BPIFB3: variants seen among roughly 807,000 people sequenced by gnomAD.
BPIFB3 encodes BPI fold-containing family B member 3.
Under a neutral mutation model 53.1 loss-of-function variants are expected in BPIFB3, and 49 were observed. The ratio of observed to expected loss-of-function variants is 0.92; its 90% CI spans 0.73 to 1.17. BPIFB3 has a LOEUF of 1.17. Ranked by LOEUF, BPIFB3 falls within the 50% of genes most tolerant of loss-of-function variation. The probability of loss-of-function intolerance (pLI) is 0.00; values close to 1 mark genes in which losing one functional copy is unlikely to be tolerated. For synonymous variants in BPIFB3, 271 were observed against 269.6 expected (o/e 1.01, Z -0.05); for missense variants, 628 against 592.5 (o/e 1.06, Z -0.62).
In BPIFB3 at chr20:33,063,595, C is replaced by T. The variant is rs1216428230; in HGVS notation, c.592-20C>T. On this transcript the variant is annotated intron_variant, in intron 5 of 14. Coordinates refer to ENST00000375494, the Ensembl canonical transcript of BPIFB3. ...CAGTGAGCTCTTCTTTGCCCTGTAA[C>T]ATGTGTCTCCCTGACACAGCTGTGC... The T allele has an allele frequency of 1.2e-5, 20 of 1,613,244 alleles. No individual in the cohort carries two copies. Among genetic ancestry groups the T allele is most frequent in the Non-Finnish European group, 1.6e-5 (19 of 1,179,516 alleles).
chr20:33,066,756 C>G, intron 8 of BPIFB3, 68 bp from the exon 10 acceptor site: 1 of 1,497,828 alleles, frequency 6.7e-7, no homozygotes, highest in Non-Finnish European at 9.3e-7. Context: ...CGAAACTGCT[C>G]TGAGTGTGCT....
chr20:33,072,639 C>A, intron 13 of BPIFB3, 78 bp from the exon 15 acceptor site: 1 of 1,221,546 alleles, frequency 8.2e-7, no homozygotes, highest in Non-Finnish European at 1.2e-6. Flanking sequence ...GGAATAGGGT[C>A]AGCAGGGTCC....
intron 9 of BPIFB3, among the ~76,000 whole-genome samples, chr20:33,068,484 G>A (rs1273233075): frequency 6.6e-6 from 1 of 152,230 alleles, no homozygotes; most frequent in Non-Finnish European, 1.5e-5. Context: ...AGTCTGGAGG[G>A]AGAACGCAGG....
At chr20:33,060,161 C>A in intron 4 of BPIFB3, 130 bp downstream of exon 5, 3 of 1,286,436 alleles carry the variant, frequency 2.3e-6, no homozygotes, top group Non-Finnish European at 3.2e-6. Context: ...CTGCTTGTCC[C>A]GCCGGTTTCA....
intron 8 of BPIFB3, among the ~76,000 whole-genome samples, chr20:33,066,495 T>C (rs1465828519): frequency 2.0e-5 from 3 of 152,346 alleles, no homozygotes; most frequent in East Asian, 3.9e-4. Context: ...CAGGTTCAAA[T>C]CCTGGTGTCA....
At chr20:33,064,731 G>C in exon 8 of BPIFB3, 1 of 1,614,096 alleles carries the variant, frequency 6.2e-7, no homozygotes, top group Non-Finnish European at 8.5e-7. Context: ...CAGCCAAGGT[G>C]CCCCCCAAGA....
At chr20:33,071,989 G>A in intron 12 of BPIFB3, 115 bp from the exon 14 acceptor site, 1 of 1,047,816 alleles carries the variant, frequency 9.5e-7, no homozygotes, top group African/African-American at 1.6e-5. Context: ...CCTCAGGCTT[G>A]GGGGAGGCTG....
chr20:33,067,999 T>C (rs922174911), intron 9 of BPIFB3, among the ~76,000 whole-genome samples: 1 of 152,220 alleles, frequency 6.6e-6, no homozygotes, highest in Admixed American at 6.5e-5. Context: ...CTTAGTCTCA[T>C]GACGTTGCAA....
At chr20:33,056,827 T>A in intron 2 of BPIFB3, 129 bp downstream of exon 3, 1 of 1,170,612 alleles carries the variant, frequency 8.5e-7, no homozygotes, top group Non-Finnish European at 1.2e-6. Context: ...GATCCGGGTC[T>A]AAAAATGATG....
intron 5 of BPIFB3, among the ~76,000 whole-genome samples, chr20:33,062,349 G>A (rs1158729185): frequency 1.3e-5 from 2 of 152,218 alleles, no homozygotes; most frequent in South Asian, 2.1e-4. Context: ...AGGAAGAGGG[G>A]AGGGCCACAT....
rs1227115626 is a variant in BPIFB3 at position 33,072,085 on chromosome 20, C to A, written c.1261-19C>A. 1.2e-6 allele frequency: 2 copies of A among 1,613,892 alleles called. No individual in the cohort carries two copies. The highest frequency in any genetic ancestry group is 2.7e-5 in the African/African-American group (2 of 74,908). ...CACCCCAGAGCACCACCCCCACCAC[C>A]CTGTGTGTTCTGTTGCAGGGATCGC... On this transcript the variant is annotated intron_variant, in intron 12 of 14. Coordinates refer to ENST00000375494, the Ensembl canonical transcript of BPIFB3.
intron 5 of BPIFB3, 39 bp downstream of exon 6, chr20:33,061,870 G>T: frequency 6.2e-7 from 1 of 1,608,296 alleles, no homozygotes; most frequent in Non-Finnish European, 8.5e-7. Flanking sequence ...CCCTCTCCCA[G>T]GACTGGGCCT....
chr20:33,071,374 C>A, intron 12 of BPIFB3, 79 bp downstream of exon 13: 1 of 1,477,176 alleles, frequency 6.8e-7, no homozygotes, highest in South Asian at 1.2e-5. Context: ...GGCCATGAGT[C>A]ATGGGCCATA....
At chr20:33,065,829 A>G (rs1371090812) in intron 8 of BPIFB3, among the ~76,000 whole-genome samples, 2 of 152,216 alleles carry the variant, frequency 1.3e-5, no homozygotes, top group African/African-American at 2.4e-5. Context: ...GGGGTTGGTC[A>G]CTCACTTCTT....
Position 33,061,641 on chromosome 20 carries a change from G to T in BPIFB3, c.528-127G>T, listed in dbSNP as rs34975446. The T allele has an allele frequency of 2.6e-3, 2,276 of 882,818 alleles. 32 individuals carry two copies. The African/African-American group carries it at 0.034, about 13-fold the overall frequency. The allele number at this position is 882,818 out of a possible 1,614,324, so 54.7% of individuals were successfully genotyped here. The stretch of plus-strand genomic sequence containing the variant: ...GGATTTAACTCAGGTCTCCAAAGCC[G>T]CAGTCAACACCACCCCCAAGAGAAG... On this transcript the variant is annotated intron_variant, in intron 4 of 14. Coordinates refer to ENST00000375494, the Ensembl canonical transcript of BPIFB3.
intron 5 of BPIFB3, among the ~76,000 whole-genome samples, chr20:33,063,356 C>T (rs979061020): frequency 3.9e-5 from 6 of 152,180 alleles, no homozygotes; most frequent in African/African-American, 1.4e-4. Flanking sequence ...CCCGTGGTCC[C>T]CCAGCCACCT....
chr20:33,056,812 G>A (rs1024584183), intron 2 of BPIFB3, 114 bp downstream of exon 3: 1 of 1,304,578 alleles, frequency 7.7e-7, no homozygotes, highest in Non-Finnish European at 1.0e-6. Context: ...GTGTGGGAGG[G>A]TTGTGATCCG....
intron 14 of BPIFB3, 81 bp downstream of exon 15, chr20:33,072,874 T>C: frequency 1.8e-6 from 2 of 1,083,888 alleles, no homozygotes; most frequent in Non-Finnish European, 2.8e-6. Context: ...ATGAGGGGAA[T>C]GCTTTGCTTC....
rs145289801 is a variant in BPIFB3 at position 33,064,549 on chromosome 20, G to T, written c.744+1G>T. On this transcript the variant is annotated splice_donor_variant, in intron 7 of 14. Coordinates refer to ENST00000375494, the Ensembl canonical transcript of BPIFB3. LOFTEE classifies it high-confidence loss of function. ...CCAGTACATAGAACTGGACATCAAC[G>T]TGAGTAACCAGAGGGGCCTCTCCTC... 1.2e-6 allele frequency: 2 copies of T among 1,613,822 alleles called. No homozygotes were observed. The highest frequency in any genetic ancestry group is 1.1e-5 in the South Asian group (1 of 91,074).
Sources: allele counts gnomAD v4.1 joint callset (sites outside exome capture counted in the v4.1 genomes callset), GRCh38; gene constraint gnomAD v4.1.1; transcripts MANE v1.5; gene names NCBI Gene and HGNC (gene_info 2026-07-23, HGNC 2026-07-21).